Variants in GULP1 observed in about 807,000 individuals in gnomAD.
GULP1 encodes the protein PTB domain-containing engulfment adapter protein 1.
A neutral mutation model predicts 40.9 loss-of-function variants in GULP1; 19 were observed. The ratio of observed to expected loss-of-function variants is 0.46; its 90% CI spans 0.32 to 0.68. GULP1 has a LOEUF of 0.68. Among genes scored for constraint, GULP1 ranks in the 30% least tolerant of loss-of-function variants. The pLI, the probability that GULP1 is intolerant of heterozygous loss-of-function variation, is 0.03. For missense variants in GULP1, 312 were observed against 362.2 expected (o/e 0.86, Z 1.12); for synonymous variants, 119 against 117.6 (o/e 1.01, Z -0.08).
intron 2 of GULP1, among the ~76,000 whole-genome samples, chr2:188,470,936 A>C (rs2060537780): frequency 6.6e-6 from 1 of 152,106 alleles, no homozygotes; most frequent in Non-Finnish European, 1.5e-5. Flanking sequence ...TTTTGTCTAG[A>C]GTGTAGATTA....
chr2:188,543,694 C>T (rs1340554447), intron 7 of GULP1, among the ~76,000 whole-genome samples: 4 of 152,042 alleles, frequency 2.6e-5, no homozygotes, highest in Non-Finnish European at 4.4e-5. Flanking sequence ...AAGTAAGTTT[C>T]CCAAAGTTAC....
chr2:188,582,588 CTTTTT>C (rs1221297664), intron 9 of GULP1: 3 of 453,204 alleles, frequency 6.6e-6, no homozygotes, highest in South Asian at 4.8e-5. Flanking sequence ...GCAGATAATT[CTTTTT>C]TATTATCCCA....
chr2:188,527,930 G>T (rs901210568), intron 5 of GULP1, among the ~76,000 whole-genome samples: 2 of 152,102 alleles, frequency 1.3e-5, no homozygotes, highest in African/African-American at 2.4e-5. Flanking sequence ...GGACTAGAAC[G>T]CTGTCTTGCA....
At chr2:188,444,633 T>C (rs2058227288) in intron 2 of GULP1, among the ~76,000 whole-genome samples, 1 of 152,216 alleles carries the variant, frequency 6.6e-6, no homozygotes, top group Non-Finnish European at 1.5e-5. Flanking sequence ...CATGCCCACA[T>C]TGTATCATAG....
intron 6 of GULP1, among the ~76,000 whole-genome samples, chr2:188,540,780 T>G (rs1690265150): frequency 6.6e-6 from 1 of 152,122 alleles, no homozygotes; most frequent in South Asian, 2.1e-4. Context: ...AAATGAGAAT[T>G]GCTCTGGTTT....
intron 7 of GULP1, among the ~76,000 whole-genome samples, chr2:188,564,877 G>A (rs887229146): frequency 4.6e-5 from 7 of 151,868 alleles, no homozygotes; most frequent in African/African-American, 1.7e-4. Flanking sequence ...CTGTATTGTA[G>A]AGTTTAGAAA....
chr2:188,472,634 C>G (rs949098684), intron 2 of GULP1, among the ~76,000 whole-genome samples: 11 of 152,056 alleles, frequency 7.2e-5, no homozygotes, highest in African/African-American at 2.7e-4. Context: ...CTGCTTGATT[C>G]CTTTTAATTA....
rs1446442604 is a variant in GULP1, at chr2:188,594,612, GTATT to G, written c.*606_*609del. The G allele has an allele frequency of 6.6e-6, 1 of 151,544 alleles. No homozygotes were observed. The highest frequency in any genetic ancestry group is 1.5e-5 in the Non-Finnish European group (1 of 67,698). The allele number at this position is 151,544 out of a possible 1,614,324, so 9.4% of individuals were successfully genotyped here. A position where few individuals can be genotyped will look rare whatever the true frequency, so the allele number is the denominator to read the frequency against. Reference sequence around the variant, plus strand: ...CAATAATAAACCAAATGTATTTAGAGTATTTATTAGTAAATGCAAGGTGATGTTA... The same window carrying G: ...CAATAATAAACCAAATGTATTTAGAGTATTAGTAAATGCAAGGTGATGTTA... On this transcript the variant is annotated 3_prime_UTR_variant, in exon 12 of 12. Coordinates refer to ENST00000409830, the MANE Select transcript of GULP1 (RefSeq NM_016315.4).
At chr2:188,372,144 T>G (rs533186055) in intron 1 of GULP1, among the ~76,000 whole-genome samples, 8 of 152,266 alleles carry the variant, frequency 5.3e-5, no homozygotes, top group African/African-American at 1.9e-4. Context: ...TGTATCAAGT[T>G]GTCTTCACTG....
At chr2:188,337,078 ATATATCTGTATC>A (rs748939210) in intron 1 of GULP1, among the ~76,000 whole-genome samples, 5 of 145,636 alleles carry the variant, frequency 3.4e-5, no homozygotes, top group Non-Finnish European at 3.0e-5. Flanking sequence ...TCTCCTATAA[ATATATCTGTATC>A]TATATCTATA....
At chr2:188,342,359 A>G (rs1456589373) in intron 1 of GULP1, among the ~76,000 whole-genome samples, 1 of 152,008 alleles carries the variant, frequency 6.6e-6, no homozygotes, top group Admixed American at 6.6e-5. Flanking sequence ...ATACCTTCAC[A>G]TGGTTTTCCT....
chr2:188,515,707 AC>A (rs2153220348), intron 4 of GULP1, among the ~76,000 whole-genome samples: 1 of 85,560 alleles, frequency 1.2e-5, no homozygotes, highest in South Asian at 2.5e-4. Context: ...ACACACACAG[AC>A]ACACACACAC....
At chr2:188,319,263 T>C (rs2039602020) in intron 1 of GULP1, among the ~76,000 whole-genome samples, 1 of 149,206 alleles carries the variant, frequency 6.7e-6, no homozygotes, top group African/African-American at 2.5e-5. Context: ...TTATAAAAGA[T>C]TCAAACACAA....
intron 7 of GULP1, among the ~76,000 whole-genome samples, chr2:188,564,593 A>G (rs976834011): frequency 1.3e-5 from 2 of 152,064 alleles, no homozygotes; most frequent in East Asian, 1.9e-4. Context: ...GGAGAAAGAT[A>G]CCATGTTTAT....
chr2:188,397,904 G>A (rs2051513535), intron 2 of GULP1, among the ~76,000 whole-genome samples: 1 of 152,200 alleles, frequency 6.6e-6, no homozygotes, highest in African/African-American at 2.4e-5. Flanking sequence ...TCTAGGAAAT[G>A]TCATCCCATC....
intron 4 of GULP1, among the ~76,000 whole-genome samples, chr2:188,500,523 T>C (rs2063336481): frequency 6.6e-6 from 1 of 151,916 alleles, no homozygotes; most frequent in Non-Finnish European, 1.5e-5. Context: ...TGTAGGATGT[T>C]AATAATCTTT....
intron 2 of GULP1, among the ~76,000 whole-genome samples, chr2:188,424,429 G>A (rs1323171135): frequency 4.0e-5 from 6 of 151,790 alleles, no homozygotes; most frequent in Admixed American, 1.3e-4. Flanking sequence ...TTCTGTTCAT[G>A]TATATGCTCA....
chr2:188,392,748 A>G (rs1434006487), intron 2 of GULP1, among the ~76,000 whole-genome samples: 1 of 152,000 alleles, frequency 6.6e-6, no homozygotes, highest in Non-Finnish European at 1.5e-5. Context: ...TTTTGCTTTT[A>G]GCATTGCTTT....
chr2:188,549,645 A>C (rs1418086263), intron 7 of GULP1, among the ~76,000 whole-genome samples: 3 of 151,822 alleles, frequency 2.0e-5, no homozygotes, highest in Non-Finnish European at 4.4e-5. Flanking sequence ...ATCCCAGAGA[A>C]ATCAAAACTT....
Sources: gnomAD v4.1 joint callset for allele counts (sites outside exome capture counted in the v4.1 genomes callset) on GRCh38, gnomAD v4.1.1 for gene constraint, MANE v1.5 for transcripts, NCBI Gene and HGNC (gene_info 2026-07-23, HGNC 2026-07-21) for gene names.